SPAG17: variants seen among roughly 807,000 people sequenced by gnomAD.
SPAG17 encodes sperm-associated antigen 17.
SPAG17 carries 169 observed loss-of-function variants against 273.6 expected under a neutral mutation model. The ratio of observed to expected loss-of-function variants is 0.62; its 90% CI spans 0.55 to 0.70. SPAG17 has a LOEUF of 0.70. Among genes scored for constraint, SPAG17 ranks in the 30% least tolerant of loss-of-function variants. SPAG17 has a pLI of 0.00. For missense variants in SPAG17, 2,557 were observed against 2,627.8 expected, an observed-to-expected ratio of 0.97 and a Z score of 0.59; for synonymous variants, 825 against 873.2, an observed-to-expected ratio of 0.94 and a Z score of 0.97.
At chr1:118,021,112 C>G (rs750631161) in intron 28 of SPAG17, among the ~76,000 whole-genome samples, 3 of 152,066 alleles carry the variant, frequency 2.0e-5, no homozygotes, top group Non-Finnish European at 4.4e-5. Context: ...TCAGCAGGAA[C>G]AGTTGCTTTG....
At position 118,007,694 on chromosome 1, in the gene SPAG17, G is replaced by C. The variant is rs550951741; in HGVS notation, c.4587+350C>G. 4.5e-4 allele frequency among the ~76,000 whole-genome samples: 68 copies of C among 152,270 alleles called. 1 individual carries two copies. Among genetic ancestry groups the C allele is most frequent in the African/African-American group, 1.6e-3 (65 of 41,568 alleles). ...GATAATGAGAATGAGGGTCGAGGCGGCAGGAGGTGAAGCTGGTCTGTTAGG... is the reference window on the plus strand; with the variant it reads ...GATAATGAGAATGAGGGTCGAGGCGCCAGGAGGTGAAGCTGGTCTGTTAGG... On this transcript the variant is annotated intron_variant, in intron 31 of 48. Transcript: ENST00000336338.
intron 46 of SPAG17, among the ~76,000 whole-genome samples, chr1:117,969,025 A>G (rs1654238830): frequency 2.6e-5 from 4 of 152,224 alleles, no homozygotes; most frequent in Admixed American, 6.5e-5. Context: ...TGAGTGAAGT[A>G]TGAAGTAAAA....
At chr1:118,034,213 G>A (rs1485741159) in intron 24 of SPAG17, among the ~76,000 whole-genome samples, 2 of 152,178 alleles carry the variant, frequency 1.3e-5, no homozygotes, top group African/African-American at 2.4e-5. Context: ...CAGATAAGGA[G>A]GGTATAATTT....
rs1369049933 is a variant in SPAG17 at position 118,148,343 on chromosome 1, T to C, written c.315+2200A>G. Among the ~76,000 whole-genome samples, 7 of 152,026 alleles carry C rather than the reference T, an allele frequency of 4.6e-5. No homozygotes were observed. In the East Asian group the frequency reaches 1.4e-3, roughly 29 times the overall value. On this transcript the variant is annotated intron_variant, in intron 3 of 48. Coordinates refer to ENST00000336338, the MANE Select transcript of SPAG17 (RefSeq NM_206996.4). The stretch of plus-strand genomic sequence containing the variant: ...TCCAAACACTGAGCAACAGCAAGAG[T>C]TGTCACAAAGAGCGAAAAAACAAAT...
At chr1:118,066,930 CTT>C in intron 17 of SPAG17, 31 bp from the exon 18 acceptor site, 1 of 1,577,042 alleles carries the variant, frequency 6.3e-7, no homozygotes, top group Non-Finnish European at 8.6e-7. Flanking sequence ...ATTGTAGAAT[CTT>C]TTTTATTTTC....
intron 7 of SPAG17, among the ~76,000 whole-genome samples, chr1:118,094,764 T>C (rs1363913059): frequency 1.3e-5 from 2 of 152,194 alleles, no homozygotes; most frequent in Non-Finnish European, 2.9e-5. Context: ...TTTTCAAGAC[T>C]TTCCCTCCCC....
intron 32 of SPAG17, among the ~76,000 whole-genome samples, chr1:118,001,194 G>T (rs1465902164): frequency 2.6e-5 from 4 of 152,038 alleles, no homozygotes; most frequent in Non-Finnish European, 1.5e-5. Context: ...GGCGGATAAG[G>T]TTTTGATGTG....
At chr1:118,148,131 C>A (rs186221039) in intron 3 of SPAG17, among the ~76,000 whole-genome samples, 1 of 152,178 alleles carries the variant, frequency 6.6e-6, no homozygotes, top group Admixed American at 6.5e-5. Context: ...TTTATCTCTT[C>A]TCCCACAGTG....
At chr1:118,106,379 T>C (rs1289470682) in intron 4 of SPAG17, among the ~76,000 whole-genome samples, 3 of 152,176 alleles carry the variant, frequency 2.0e-5, no homozygotes, top group African/African-American at 7.2e-5. Flanking sequence ...CAAGTAGTTG[T>C]TCAAACTCAA....
chr1:118,061,774 A>G (rs1652324502), intron 18 of SPAG17, among the ~76,000 whole-genome samples: 1 of 152,208 alleles, frequency 6.6e-6, no homozygotes, highest in Non-Finnish European at 1.5e-5. Context: ...AATTTTATGT[A>G]TATCAATTAT....
At chr1:118,163,872 T>C (rs751823483) in intron 1 of SPAG17, among the ~76,000 whole-genome samples, 6 of 152,094 alleles carry the variant, frequency 3.9e-5, no homozygotes, top group Non-Finnish European at 5.9e-5. Context: ...CCTATTGAAA[T>C]TGCATTCTGG....
At chr1:117,998,876 G>A (rs1343888409) in intron 32 of SPAG17, among the ~76,000 whole-genome samples, 1 of 151,974 alleles carries the variant, frequency 6.6e-6, no homozygotes, top group Non-Finnish European at 1.5e-5. Context: ...TAGGGCACAT[G>A]TGCGTGCAGG....
chr1:118,170,941 G>A (rs1343920016), intron 1 of SPAG17, among the ~76,000 whole-genome samples: 1 of 152,206 alleles, frequency 6.6e-6, no homozygotes, highest in Non-Finnish European at 1.5e-5. Flanking sequence ...AGGGATTACA[G>A]ATGGTCACTT....
rs912048972 is a variant in SPAG17, at chr1:117,984,779, C to T, written c.5673G>A (p.Lys1891=). 3.1e-6 allele frequency: 5 copies of T among 1,589,848 alleles called. No individual in the cohort carries two copies. The highest frequency in any genetic ancestry group is 2.7e-5 in the African/African-American group (2 of 74,450). Residue 1891 remains lysine (K), a synonymous_variant, in exon 41 of 49, where the codon AAG becomes AAA. Transcript: ENST00000336338. The stretch of plus-strand genomic sequence containing the variant: ...GGTAATTCTGTGTTGTCTCAATTTC[C>T]TTCCTGGTTGATGTTTCCATGATGA... The part of the protein sequence containing the change: ...RWKEKIDKTR[K]EIETTQNYLM...
intron 43 of SPAG17, among the ~76,000 whole-genome samples, chr1:117,975,562 T>C (rs902305561): frequency 6.6e-6 from 1 of 152,160 alleles, no homozygotes; most frequent in East Asian, 1.9e-4. Context: ...CCTAAGTGTG[T>C]TGGAACCACA....
chr1:117,992,932 T>C (rs1657274044), intron 35 of SPAG17, among the ~76,000 whole-genome samples: 2 of 152,182 alleles, frequency 1.3e-5, no homozygotes, highest in Non-Finnish European at 2.9e-5. Flanking sequence ...AGCAATGTAA[T>C]AGCAGCCTAG....
intron 43 of SPAG17, among the ~76,000 whole-genome samples, chr1:117,979,899 G>A (rs1387116825): frequency 6.6e-6 from 1 of 152,132 alleles, no homozygotes; most frequent in Admixed American, 6.5e-5. Flanking sequence ...CTAATGGAAT[G>A]TTGCCCCTCT....
chr1:117,958,959 G>T, intron 48 of SPAG17: 1 of 1,613,996 alleles, frequency 6.2e-7, no homozygotes, highest in Non-Finnish European at 8.5e-7. Flanking sequence ...GCCAGTGATA[G>T]AAAAATTAAG....
intron 28 of SPAG17, among the ~76,000 whole-genome samples, chr1:118,017,838 A>C (rs1660125031): frequency 6.6e-6 from 1 of 152,176 alleles, no homozygotes; most frequent in Non-Finnish European, 1.5e-5. Flanking sequence ...TTCTTCCATT[A>C]AGTATATGGG....
Sources: gnomAD v4.1 joint callset for allele counts (sites outside exome capture counted in the v4.1 genomes callset) on GRCh38, gnomAD v4.1.1 for gene constraint, MANE v1.5 for transcripts, NCBI Gene and HGNC (gene_info 2026-07-23, HGNC 2026-07-21) for gene names.